ASPH: variants seen among roughly 807,000 people sequenced by gnomAD.
ASPH encodes aspartyl/asparaginyl beta-hydroxylase.
In ASPH, 100 loss-of-function variants were observed where a neutral mutation model predicts 118.4. That is an observed-to-expected ratio of 0.84 (90% confidence interval 0.72 to 1.00). The LOEUF (loss-of-function observed/expected upper bound fraction) is 1.00. Among genes scored for constraint, ASPH ranks in the 50% least tolerant of loss-of-function variants. The probability of loss-of-function intolerance (pLI) is 0.00; values close to 1 mark genes in which losing one functional copy is unlikely to be tolerated. For missense variants in ASPH, 920 were observed against 919.5 expected (o/e 1.00, Z -0.01); for synonymous variants, 315 against 325.6 (o/e 0.97, Z 0.35).
chr8:61,633,759 C>A, intron 12 of ASPH, 32 bp from the exon 13 acceptor site: 1 of 1,493,382 alleles, frequency 6.7e-7, no homozygotes, highest in African/African-American at 1.4e-5. Flanking sequence ...TAATCTGTTA[C>A]ATATTGCTGA....
chr8:61,626,271 C>T (rs1341496630), intron 13 of ASPH: 2 of 1,563,656 alleles, frequency 1.3e-6, no homozygotes, highest in Admixed American at 3.9e-5. Context: ...CTTTTTGAAG[C>T]TTTAAGTATC....
chr8:61,695,822 T>C (rs1421026047), intron 1 of ASPH, among the ~76,000 whole-genome samples: 1 of 152,230 alleles, frequency 6.6e-6, no homozygotes. Context: ...AAATCCTTGA[T>C]ATGGTATGAG....
At chr8:61,508,461 A>G (rs1807499217) in intron 24 of ASPH, among the ~76,000 whole-genome samples, 2 of 152,232 alleles carry the variant, frequency 1.3e-5, no homozygotes, top group Non-Finnish European at 2.9e-5. Flanking sequence ...TGATAATGAT[A>G]AAATGGTGGC....
intron 14 of ASPH, among the ~76,000 whole-genome samples, chr8:61,589,501 A>G (rs980617909): frequency 1.1e-4 from 16 of 152,250 alleles, no homozygotes; most frequent in Non-Finnish European, 2.2e-4. Flanking sequence ...ATGCGAATCT[A>G]GACCTAGCTA....
At chr8:61,703,160 C>T (rs1216840573) in intron 1 of ASPH, among the ~76,000 whole-genome samples, 1 of 152,158 alleles carries the variant, frequency 6.6e-6, no homozygotes, top group Non-Finnish European at 1.5e-5. Flanking sequence ...TGAAAAGCAT[C>T]TACAAAACAC....
intron 16 of ASPH, among the ~76,000 whole-genome samples, chr8:61,573,055 C>G (rs1563867483): frequency 6.6e-6 from 1 of 152,070 alleles, no homozygotes; most frequent in East Asian, 1.9e-4. Context: ...ACAAGCATTC[C>G]TATATACCAA....
chr8:61,519,280 T>G (rs1050078208), intron 22 of ASPH, among the ~76,000 whole-genome samples: 2 of 152,216 alleles, frequency 1.3e-5, no homozygotes, highest in South Asian at 4.1e-4. Context: ...CTATATATAT[T>G]TCATGCATTC....
intron 24 of ASPH, among the ~76,000 whole-genome samples, chr8:61,514,027 C>T (rs944642104): frequency 2.0e-5 from 3 of 152,168 alleles, no homozygotes; most frequent in African/African-American, 7.2e-5. Context: ...TGGGGTCTCA[C>T]TATGTTTGTT....
intron 13 of ASPH, chr8:61,624,208 T>C: frequency 1.0e-6 from 1 of 975,620 alleles, no homozygotes; most frequent in Non-Finnish European, 1.2e-6. Context: ...ACATCTATTA[T>C]ATACTCACAA....
At chr8:61,585,611 A>T (rs1052107224) in intron 14 of ASPH, among the ~76,000 whole-genome samples, 1 of 152,156 alleles carries the variant, frequency 6.6e-6, no homozygotes, top group African/African-American at 2.4e-5. Context: ...AATGCGTTAA[A>T]TAATGCCAAA....
intron 13 of ASPH, chr8:61,625,964 C>T: frequency 1.7e-6 from 2 of 1,144,888 alleles, no homozygotes; most frequent in Admixed American, 4.7e-5. Flanking sequence ...CGGAAAAACA[C>T]ACATAAATTC....
chr8:61,620,792 A>G (rs1441955408), intron 13 of ASPH, among the ~76,000 whole-genome samples: 2 of 152,248 alleles, frequency 1.3e-5, no homozygotes, highest in Non-Finnish European at 2.9e-5. Flanking sequence ...ATGTGATTAG[A>G]AAAATCAAGC....
intron 15 of ASPH, among the ~76,000 whole-genome samples, chr8:61,580,815 C>A (rs1237396670): frequency 6.6e-6 from 1 of 152,222 alleles, no homozygotes; most frequent in East Asian, 1.9e-4. Context: ...TAAGGCCCAA[C>A]TGGATAATCC....
At chr8:61,540,577 T>C (rs1358343109) in intron 21 of ASPH, among the ~76,000 whole-genome samples, 2 of 152,226 alleles carry the variant, frequency 1.3e-5, no homozygotes, top group African/African-American at 2.4e-5. Context: ...TATTTCTTTA[T>C]AGCAATGCAA....
At chr8:61,675,738 C>G (rs1222428833) in intron 3 of ASPH, 3 of 1,069,854 alleles carry the variant, frequency 2.8e-6, no homozygotes, top group Non-Finnish European at 3.4e-6. Flanking sequence ...AACCACAACA[C>G]AATTTGCTGT....
intron 21 of ASPH, among the ~76,000 whole-genome samples, chr8:61,541,448 C>A (rs1220607672): frequency 6.6e-6 from 1 of 152,180 alleles, no homozygotes; most frequent in Non-Finnish European, 1.5e-5. Flanking sequence ...AGTATTTTGG[C>A]CAAATGTTGC....
chr8:61,512,716 T>C (rs1295927295), intron 24 of ASPH, among the ~76,000 whole-genome samples: 4 of 152,218 alleles, frequency 2.6e-5, no homozygotes, highest in East Asian at 1.9e-4. Flanking sequence ...ATCCTAATTA[T>C]ACAGGATTGC....
At chr8:61,588,131 G>A (rs1287261477) in intron 14 of ASPH, among the ~76,000 whole-genome samples, 1 of 152,124 alleles carries the variant, frequency 6.6e-6, no homozygotes, top group Non-Finnish European at 1.5e-5. Flanking sequence ...CTTTCAAAAT[G>A]GTTTAGGAGA....
chr8:61,522,110 C>T (rs990938590), intron 22 of ASPH, among the ~76,000 whole-genome samples: 2 of 152,282 alleles, frequency 1.3e-5, no homozygotes, highest in South Asian at 2.1e-4. Context: ...GCAAAATAGA[C>T]GTTCCATAAT....
Sources: allele counts gnomAD v4.1 joint callset (sites outside exome capture counted in the v4.1 genomes callset), GRCh38; gene constraint gnomAD v4.1.1; transcripts MANE v1.5; gene names NCBI Gene and HGNC (gene_info 2026-07-23, HGNC 2026-07-21).